The following AK8 variants were observed in gnomAD, a reference collection of about 807,000 sequenced individuals.
AK8 encodes adenylate kinase 8.
AK8 carries 44 observed loss-of-function variants against 54.6 expected under a neutral mutation model. The observed-to-expected ratio is 0.81, with a 90% CI of 0.63 to 1.04. The LOEUF (loss-of-function observed/expected upper bound fraction) is 1.04, where lower values mean the gene tolerates loss of function less well. Ranked by LOEUF, AK8 falls within the 50% of genes least tolerant of loss-of-function variation. AK8 has a pLI of 0.00. For synonymous variants in AK8, 239 were observed against 245.6 expected (o/e 0.97, Z 0.25); for missense variants, 555 against 613.6 (o/e 0.90, Z 1.01).
chr9:132,815,598 G>A (rs1841292033), intron 9 of AK8, among the ~76,000 whole-genome samples: 1 of 152,162 alleles, frequency 6.6e-6, no homozygotes, highest in Admixed American at 6.5e-5. Context: ...CCACGCTGCA[G>A]TCACCTGGCC....
chr9:132,787,552 G>A (rs1336066099), intron 11 of AK8, among the ~76,000 whole-genome samples: 1 of 152,154 alleles, frequency 6.6e-6, no homozygotes, highest in East Asian at 1.9e-4. Context: ...AGATAGAATA[G>A]TAGGGCCCCC....
At chr9:132,869,892 C>A (rs1021036740) in intron 2 of AK8, among the ~76,000 whole-genome samples, 1 of 152,066 alleles carries the variant, frequency 6.6e-6, no homozygotes, top group Non-Finnish European at 1.5e-5. Context: ...AGAGCGCCTG[C>A]TTGGCCAAAG....
intron 10 of AK8, among the ~76,000 whole-genome samples, chr9:132,813,098 C>T (rs1341198777): frequency 8.0e-6 from 1 of 125,630 alleles, no homozygotes; most frequent in Non-Finnish European, 1.6e-5. Context: ...ACACAGATCA[C>T]CTCATTCTGT....
chr9:132,876,765 G>T (rs1844119940), intron 1 of AK8, among the ~76,000 whole-genome samples: 1 of 152,100 alleles, frequency 6.6e-6, no homozygotes, highest in Non-Finnish European at 1.5e-5. Flanking sequence ...AACATGGAGG[G>T]AATCCACAGA....
intron 11 of AK8, among the ~76,000 whole-genome samples, chr9:132,734,566 T>C (rs1837008805): frequency 6.6e-6 from 1 of 151,932 alleles, no homozygotes; most frequent in African/African-American, 2.4e-5. Context: ...TGAGACCCCA[T>C]CTCTACAAAA....
At chr9:132,795,732 G>A (rs13440175) in intron 10 of AK8, among the ~76,000 whole-genome samples, 2,931 of 152,252 alleles carry the variant, frequency 0.019, 89 homozygotes, top group African/African-American at 0.067. Context: ...CTGTCTCGGG[G>A]AGACAAACAT....
chr9:132,871,225 G>A lies in AK8; in HGVS notation c.169+3890C>T, dbSNP rs1319538793. Among the ~76,000 whole-genome samples the A allele has an allele frequency of 3.3e-5, 5 of 152,090 alleles. No individual in the cohort carries two copies. The East Asian group carries it at 7.7e-4, about 23-fold the overall frequency. On this transcript the variant is annotated intron_variant, in intron 2 of 12. Coordinates refer to ENST00000298545, the MANE Select transcript of AK8 (RefSeq NM_152572.3). ...TGCGCCATTGCACTCCAGCCTAGGCGACAGAGCCAGACTCCATCTCAAAAC... is the reference window on the plus strand; with the variant it reads ...TGCGCCATTGCACTCCAGCCTAGGCAACAGAGCCAGACTCCATCTCAAAAC...
chr9:132,775,149 C>G (rs1252213770), intron 11 of AK8, among the ~76,000 whole-genome samples: 1 of 152,088 alleles, frequency 6.6e-6, no homozygotes, highest in East Asian at 1.9e-4. Flanking sequence ...GAAACCTCTC[C>G]CTGACCTCCA....
intron 3 of AK8, among the ~76,000 whole-genome samples, chr9:132,864,332 T>A (rs1843505612): frequency 6.6e-6 from 1 of 152,180 alleles, no homozygotes; most frequent in African/African-American, 2.4e-5. Context: ...TCGAGATGGT[T>A]CTGAAGGCCC....
At chr9:132,793,307 G>A (rs919555404) in intron 10 of AK8, among the ~76,000 whole-genome samples, 5 of 152,080 alleles carry the variant, frequency 3.3e-5, no homozygotes, top group African/African-American at 1.2e-4. Flanking sequence ...CCTCCCAAAG[G>A]TCCCATCTAA....
At chr9:132,829,909 T>C (rs150279123) in intron 5 of AK8, among the ~76,000 whole-genome samples, 9 of 152,258 alleles carry the variant, frequency 5.9e-5, no homozygotes, top group African/African-American at 1.2e-4. Flanking sequence ...TTGTACACTG[T>C]GTGGAAAATA....
At chr9:132,842,325 GTTCATTCA>G (rs367839334) in intron 5 of AK8, among the ~76,000 whole-genome samples, 30 of 152,114 alleles carry the variant, frequency 2.0e-4, no homozygotes, top group South Asian at 1.0e-3. Context: ...TTATTGACTG[GTTCATTCA>G]TTCATTCATT....
chr9:132,878,387 G>A (rs1481437207), upstream of AK8: 15 of 1,244,928 alleles, frequency 1.2e-5, no homozygotes, highest in Non-Finnish European at 1.4e-5. This position sits in a 1 kb window ranked among gnomAD's most constrained non-coding sequence, Gnocchi z 4.7. Flanking sequence ...CCTCGGTCGC[G>A]CGGGTCGCCC....
intron 12 of AK8, 81 bp from the exon 13 acceptor site, chr9:132,726,006 AC>A: frequency 7.5e-7 from 1 of 1,332,358 alleles, no homozygotes; most frequent in African/African-American, 1.4e-5. Flanking sequence ...TCTACTGTGG[AC>A]CAATTTGGGG....
chr9:132,878,858 C>T (rs1844283066), upstream of AK8: 2 of 838,358 alleles, frequency 2.4e-6, no homozygotes, highest in Non-Finnish European at 2.9e-6. The surrounding 1 kb of genome is among the most constrained non-coding windows in gnomAD (Gnocchi z 4.7). Flanking sequence ...ACAATCACGC[C>T]CGCGGCCCCG....
At chr9:132,786,714 T>C (rs1046765199) in intron 11 of AK8, among the ~76,000 whole-genome samples, 4 of 152,118 alleles carry the variant, frequency 2.6e-5, no homozygotes, top group Non-Finnish European at 4.4e-5. Context: ...TAGTCTCCCA[T>C]TCTTAGACGT....
rs1052684906 is a variant in AK8 at position 132,837,371 on chromosome 9, C to G, written c.403-8645G>C. 4.9e-4 allele frequency among the ~76,000 whole-genome samples: 75 copies of G among 151,804 alleles called. No individual in the cohort carries two copies. The highest frequency in any genetic ancestry group is 1.8e-3 in the African/African-American group (73 of 41,392). On this transcript the variant is annotated intron_variant, in intron 5 of 12. Transcript: ENST00000298545. The surrounding 1 kb of genome is among the most constrained non-coding windows in gnomAD (Gnocchi z 4.3). ...AGAATGAGGAGTTGGCCCCCTTCTG[C>G]TCTGCCCTTCTGCTGTGGGTGCCCT...
At chr9:132,777,021 T>A (rs773569817) in intron 11 of AK8, among the ~76,000 whole-genome samples, 1 of 152,074 alleles carries the variant, frequency 6.6e-6, no homozygotes, top group Non-Finnish European at 1.5e-5. Flanking sequence ...TTCATCCTTG[T>A]CTCCTTGCAA....
At chr9:132,870,703 C>T (rs1843785210) in intron 2 of AK8, among the ~76,000 whole-genome samples, 1 of 152,250 alleles carries the variant, frequency 6.6e-6, no homozygotes, top group African/African-American at 2.4e-5. Flanking sequence ...TTTCTCTCTA[C>T]ACCAGTCACC....
Sources: gnomAD v4.1 joint callset for allele counts (sites outside exome capture counted in the v4.1 genomes callset) on GRCh38, gnomAD v4.1.1 for gene constraint, Gnocchi (gnomAD v3.1) non-coding constraint, MANE v1.5 for transcripts, NCBI Gene and HGNC (gene_info 2026-07-23, HGNC 2026-07-21) for gene names.